PANK4: variants seen among roughly 807,000 people sequenced by gnomAD.
The protein encoded by PANK4 is 4'-phosphopantetheine phosphatase.
A neutral mutation model predicts 87.9 loss-of-function variants in PANK4; 40 were observed. That is an observed-to-expected ratio of 0.46 (90% CI 0.35 to 0.59). PANK4 has a LOEUF of 0.59. Ranked by LOEUF, PANK4 falls within the 20% of genes least tolerant of loss-of-function variation. The probability of loss-of-function intolerance (pLI) is 0.00; values close to 1 mark genes in which losing one functional copy is unlikely to be tolerated. For synonymous variants in PANK4, 524 were observed against 467.4 expected (o/e 1.12, Z -1.56); for missense variants, 926 against 1,072.3 (o/e 0.86, Z 1.90).
In PANK4 at chr1:2,515,805, G is replaced by C; in HGVS notation, c.1219-88C>G. The C allele has an allele frequency of 1.6e-6, 2 of 1,280,222 alleles. No individual in the cohort carries two copies. Among genetic ancestry groups the C allele is most frequent in the Non-Finnish European group, 2.2e-6 (2 of 910,144 alleles). 79.3% of individuals were successfully genotyped at this position (1,280,222 alleles called of 1,614,324 possible). A position where few individuals can be genotyped will look rare whatever the true frequency, so the allele number is the denominator to read the frequency against. On this transcript the variant is annotated intron_variant, in intron 9 of 18. Coordinates refer to ENST00000378466, the MANE Select transcript of PANK4 (RefSeq NM_018216.4). The surrounding 1 kb of genome is among the most constrained non-coding windows in gnomAD (Gnocchi z 5.0). ...TCAGAAGCTTCCACTCTCTCTCTAA[G>C]AAGGGAGATGTACTGCCTTCTTCCG...
chr1:2,509,835 G>A lies in PANK4; in HGVS notation c.2108+27C>T. On this transcript the variant is annotated intron_variant, in intron 18 of 18. Transcript: ENST00000378466. This position sits in a 1 kb window ranked among gnomAD's most constrained non-coding sequence, Gnocchi z 4.9. ...CAGAGGGCACAGAGCCCAGGAGGGA[G>A]AGAACAGGTGCAGGGTGCGGGGTTA... 6.2e-7 allele frequency: 1 copy of A among 1,601,470 alleles called. No individual in the cohort carries two copies. Among genetic ancestry groups the A allele is most frequent in the Non-Finnish European group, 8.5e-7 (1 of 1,171,738 alleles).
intron 9 of PANK4, among the ~76,000 whole-genome samples, chr1:2,516,327 G>A (rs1031048294): frequency 1.3e-5 from 2 of 152,158 alleles, no homozygotes; most frequent in African/African-American, 4.8e-5. Flanking sequence ...GGCAGGGCCA[G>A]GCCATTATGC....
rs1643663251 is a variant in PANK4, at chr1:2,511,611, T to A, written c.1783+17A>T. The A allele has an allele frequency of 3.2e-6, 5 of 1,585,490 alleles. No individual in the cohort carries two copies. Among genetic ancestry groups the A allele is most frequent in the Non-Finnish European group, 4.3e-6 (5 of 1,154,398 alleles). ...CCCAGCACAAGGCAAGGCCCCAAGT[T>A]ACTTGGCCATCCGTACCTTGTAACT... On this transcript the variant is annotated intron_variant, in intron 14 of 18. Coordinates refer to ENST00000378466, the MANE Select transcript of PANK4 (RefSeq NM_018216.4).
intron 13 of PANK4, chr1:2,512,472 G>A (rs146109390): frequency 1.8e-3 from 310 of 171,372 alleles, no homozygotes; most frequent in African/African-American, 6.6e-3. Context: ...GACGGCGCCA[G>A]GTGCTAGACA....
chr1:2,508,833 G>C lies in PANK4; in HGVS notation c.*14C>G, dbSNP rs768377064. The C allele has an allele frequency of 2.7e-6, 4 of 1,479,088 alleles. No individual in the cohort carries two copies. The highest frequency in any genetic ancestry group is 2.3e-5 in the South Asian group (2 of 85,836). 91.6% of individuals were successfully genotyped at this position (1,479,088 alleles called of 1,614,324 possible). On this transcript the variant is annotated 3_prime_UTR_variant, in exon 19 of 19. Transcript: ENST00000378466. The surrounding 1 kb of genome is among the most constrained non-coding windows in gnomAD (Gnocchi z 5.1). ...GACAAGTGACAAGCAGAAGAGTCCG[G>C]CAGCTGCAGCGCCTCACTCGGCTGG...
chr1:2,519,678 A>T lies in PANK4; in HGVS notation c.853+123T>A. Reference sequence around the variant, plus strand: ...GGCAGGAAGAGGTTACAGGGCTGACACCCAAGACCCCGACTCTCCAGGGAG... The same window carrying T: ...GGCAGGAAGAGGTTACAGGGCTGACTCCCAAGACCCCGACTCTCCAGGGAG... On this transcript the variant is annotated intron_variant, in intron 6 of 18. Coordinates refer to ENST00000378466, the MANE Select transcript of PANK4 (RefSeq NM_018216.4). This position sits in a 1 kb window ranked among gnomAD's most constrained non-coding sequence, Gnocchi z 8.3. The T allele has an allele frequency of 1.9e-6, 2 of 1,034,032 alleles. No individual in the cohort carries two copies. The highest frequency in any genetic ancestry group is 1.4e-6 in the Non-Finnish European group (1 of 732,272). The allele number at this position is 1,034,032 out of a possible 1,614,324, so 64.1% of individuals were successfully genotyped here.
rs924963595 is a variant in PANK4, at chr1:2,510,378, C to T, written c.1939-221G>A. 3.7e-5 allele frequency: 22 copies of T among 588,258 alleles called. No individual in the cohort carries two copies. Among genetic ancestry groups the T allele is most frequent in the Admixed American group, 3.6e-4 (12 of 33,058 alleles). 36.4% of individuals were successfully genotyped at this position (588,258 alleles called of 1,614,324 possible). A position where few individuals can be genotyped will look rare whatever the true frequency, so the allele number is the denominator to read the frequency against. On this transcript the variant is annotated intron_variant, in intron 16 of 18. Transcript: ENST00000378466. The surrounding 1 kb of genome is among the most constrained non-coding windows in gnomAD (Gnocchi z 4.9). ...GGGCAGAGCTGAGTTTAGAGCCTGC[C>T]CCTGGGACCTGCCTGTCTGTGAAGT... is the stretch of plus-strand genomic sequence containing the variant.
intron 1 of PANK4, among the ~76,000 whole-genome samples, chr1:2,523,278 A>T (rs1226911317): frequency 6.6e-6 from 1 of 152,130 alleles, no homozygotes; most frequent in Non-Finnish European, 1.5e-5. Flanking sequence ...GCTGGCGTAC[A>T]GTCTGGTGGA....
At position 2,515,909 on chromosome 1, in the gene PANK4, AC is replaced by A. The variant is rs1643763241; in HGVS notation, c.1219-193del. 5 of 617,448 alleles carry A rather than the reference AC, an allele frequency of 8.1e-6. No homozygotes were observed. The highest frequency in any genetic ancestry group is 4.1e-4 in the Middle Eastern group (1 of 2,464). 38.2% of individuals were successfully genotyped at this position (617,448 alleles called of 1,614,324 possible). On this transcript the variant is annotated intron_variant, in intron 9 of 18. Coordinates refer to ENST00000378466, the MANE Select transcript of PANK4 (RefSeq NM_018216.4). This position sits in a 1 kb window ranked among gnomAD's most constrained non-coding sequence, Gnocchi z 5.0. ...CGGCCTGAGCCGGATACCTTGACTT[AC>A]CCCCTGGTTTGACACTGGGGTTGCG...
At position 2,510,273 on chromosome 1, in the gene PANK4, G is replaced by A; in HGVS notation, c.1939-116C>T. 3 of 719,950 alleles carry A rather than the reference G, an allele frequency of 4.2e-6. No individual in the cohort carries two copies. Among genetic ancestry groups the A allele is most frequent in the Non-Finnish European group, 7.5e-6 (3 of 401,578 alleles). 44.6% of individuals were successfully genotyped at this position (719,950 alleles called of 1,614,324 possible). On this transcript the variant is annotated intron_variant, in intron 16 of 18. Transcript: ENST00000378466. This position sits in a 1 kb window ranked among gnomAD's most constrained non-coding sequence, Gnocchi z 4.9. ...TGAGGGTGCTGTGCCCAGCGGGCCT[G>A]GCCAGCCACCTGCTGCTGAGGAGCA...
chr1:2,520,512 C>A lies in PANK4; in HGVS notation c.607-98G>T. Reference sequence around the variant, plus strand: ...TGTGCTGCGCTGGGGTGAACCCCGCCCCCACCCCAACCGCCAGTGGGAGGA... The same window carrying A: ...TGTGCTGCGCTGGGGTGAACCCCGCACCCACCCCAACCGCCAGTGGGAGGA... On this transcript the variant is annotated intron_variant, in intron 4 of 18. Coordinates refer to ENST00000378466, the MANE Select transcript of PANK4 (RefSeq NM_018216.4). This position sits in a 1 kb window ranked among gnomAD's most constrained non-coding sequence, Gnocchi z 6.2. The A allele has an allele frequency of 1.9e-6, 2 of 1,039,956 alleles. No individual in the cohort carries two copies. The highest frequency in any genetic ancestry group is 2.8e-6 in the Non-Finnish European group (2 of 722,412). The allele number at this position is 1,039,956 out of a possible 1,614,324, so 64.4% of individuals were successfully genotyped here.
In PANK4 at chr1:2,509,717, T is replaced by C; in HGVS notation, c.2108+145A>G. On this transcript the variant is annotated intron_variant, in intron 18 of 18. Coordinates refer to ENST00000378466, the MANE Select transcript of PANK4 (RefSeq NM_018216.4). This position sits in a 1 kb window ranked among gnomAD's most constrained non-coding sequence, Gnocchi z 4.9. ...CTTCGGGGATGGCATATCTGTCCCC[T>C]CCTGAGATCAATCCGGGCCTGGGGT... 1.4e-6 allele frequency: 1 copy of C among 702,434 alleles called. No individual in the cohort carries two copies. The highest frequency in any genetic ancestry group is 2.7e-5 in the East Asian group (1 of 37,318). The allele number at this position is 702,434 out of a possible 1,614,324, so 43.5% of individuals were successfully genotyped here. A position where few individuals can be genotyped will look rare whatever the true frequency, so the allele number is the denominator to read the frequency against.
Position 2,510,831 on chromosome 1 carries a change from G to T in PANK4, c.1834-49C>A, listed in dbSNP as rs770420815. ...CAGTTGGGAACAGGCGCATCCAAGC[G>T]AGTCAGTCCGCACCCCTGCTGCCCG... On this transcript the variant is annotated intron_variant, in intron 15 of 18. Coordinates refer to ENST00000378466, the MANE Select transcript of PANK4 (RefSeq NM_018216.4). This position sits in a 1 kb window ranked among gnomAD's most constrained non-coding sequence, Gnocchi z 4.9. 3 of 1,089,246 alleles carry T rather than the reference G, an allele frequency of 2.8e-6. No individual in the cohort carries two copies. The highest frequency in any genetic ancestry group is 3.4e-5 in the Admixed American group (2 of 59,166). The allele number at this position is 1,089,246 out of a possible 1,614,324, so 67.5% of individuals were successfully genotyped here.
intron 13 of PANK4, 170 bp downstream of exon 13, chr1:2,512,718 C>T (rs905386079): frequency 8.9e-6 from 6 of 672,010 alleles, no homozygotes; most frequent in Non-Finnish European, 1.6e-5. Flanking sequence ...CCCTGCCCAG[C>T]CCCTGGCGCT....
In PANK4 at chr1:2,515,467, GT is replaced by G; in HGVS notation, c.1374+94del. ...AGGGGTTTCTGGACAACACTGGCCT[GT>G]CCCCCTTCGCCACCTTGGCTTTGCC... On this transcript the variant is annotated intron_variant, in intron 10 of 18. Transcript: ENST00000378466. This position sits in a 1 kb window ranked among gnomAD's most constrained non-coding sequence, Gnocchi z 5.0. 1 of 1,349,558 alleles carries G rather than the reference GT, an allele frequency of 7.4e-7. No individual in the cohort carries two copies. The highest frequency in any genetic ancestry group is 1.1e-6 in the Non-Finnish European group (1 of 945,780). The allele number at this position is 1,349,558 out of a possible 1,614,324, so 83.6% of individuals were successfully genotyped here.
chr1:2,518,018 T>C, intron 9 of PANK4, 146 bp downstream of exon 9: 1 of 541,156 alleles, frequency 1.8e-6, no homozygotes, highest in East Asian at 3.2e-5. Context: ...CCCCTAGTTA[T>C]ACCCCAGGTC....
chr1:2,524,826 C>T (rs1001201030), intron 1 of PANK4, among the ~76,000 whole-genome samples: 1 of 152,244 alleles, frequency 6.6e-6, no homozygotes, highest in Non-Finnish European at 1.5e-5. Flanking sequence ...TTGCAGAGCA[C>T]ACGCTCTACC....
rs916572947 is a variant in PANK4, at chr1:2,518,373, T to C, written c.1118-109A>G. On this transcript the variant is annotated intron_variant, in intron 8 of 18. Coordinates refer to ENST00000378466, the MANE Select transcript of PANK4 (RefSeq NM_018216.4). Reference sequence around the variant, plus strand: ...TCGCTTATTAACTAAATTGTTAAAATGTTAGACATGCCTGCTGCTGTCACT... The same window carrying C: ...TCGCTTATTAACTAAATTGTTAAAACGTTAGACATGCCTGCTGCTGTCACT... The C allele has an allele frequency of 4.1e-6, 4 of 963,964 alleles. No individual in the cohort carries two copies. In the East Asian group the frequency reaches 1.0e-4, roughly 25 times the overall value. The allele number at this position is 963,964 out of a possible 1,614,324, so 59.7% of individuals were successfully genotyped here.
chr1:2,521,474 G>A, intron 2 of PANK4, 159 bp from the exon 3 acceptor site: 1 of 719,936 alleles, frequency 1.4e-6, no homozygotes, highest in Admixed American at 2.2e-5. Context: ...CTAGGACCGT[G>A]GCGACCTCAG....
Sources: gnomAD v4.1 joint callset for allele counts (sites outside exome capture counted in the v4.1 genomes callset) on GRCh38, gnomAD v4.1.1 for gene constraint, Gnocchi (gnomAD v3.1) non-coding constraint, MANE v1.5 for transcripts, NCBI Gene and HGNC (gene_info 2026-07-23, HGNC 2026-07-21) for gene names.